Variants in LARP4B observed in about 807,000 individuals in gnomAD.
The protein encoded by LARP4B is La ribonucleoprotein 4B.
In LARP4B, 12 loss-of-function variants were observed where a neutral mutation model predicts 89.8. The ratio of observed to expected loss-of-function variants is 0.13; its 90% CI spans 0.09 to 0.22. The LOEUF is 0.22. Ranked by LOEUF, LARP4B falls within the 10% of genes least tolerant of loss-of-function variation. The probability of loss-of-function intolerance (pLI) is 1.00; values close to 1 mark genes in which losing one functional copy is unlikely to be tolerated. For synonymous variants in LARP4B, 367 were observed against 363.3 expected (o/e 1.01, Z -0.12); for missense variants, 757 against 947.7 (o/e 0.80, Z 2.64).
chr10:908,680 T>C (rs572014860), intron 1 of LARP4B, among the ~76,000 whole-genome samples: 1 of 152,336 alleles, frequency 6.6e-6, no homozygotes, highest in Admixed American at 6.5e-5. Context: ...AGAATTCTTC[T>C]GGGTTGATTG....
At position 872,426 on chromosome 10, in the gene LARP4B, C is replaced by T. The variant is rs549166411; in HGVS notation, c.142-8156G>A. Among the ~76,000 whole-genome samples, 20 of 152,310 alleles carry T rather than the reference C, an allele frequency of 1.3e-4. 2 individuals carry two copies. In the South Asian group the frequency reaches 3.5e-3, roughly 27 times the overall value. On this transcript the variant is annotated intron_variant, in intron 3 of 17. Coordinates refer to ENST00000316157, the MANE Select transcript of LARP4B (RefSeq NM_015155.3). ...TGCAGCTACTGTGTCTACCCAGGTG[C>T]CCAGCTCCTCTGCCACGCTTGGGCA...
At chr10:927,671 C>T (rs1837182437) in intron 1 of LARP4B, among the ~76,000 whole-genome samples, 1 of 152,134 alleles carries the variant, frequency 6.6e-6, no homozygotes, top group African/African-American at 2.4e-5. Flanking sequence ...CAATAAAGTT[C>T]TACAAAAGAG....
intron 5 of LARP4B, among the ~76,000 whole-genome samples, chr10:852,518 CG>C (rs1433851566): frequency 6.6e-6 from 1 of 152,188 alleles, no homozygotes; most frequent in African/African-American, 2.4e-5. Flanking sequence ...CCACCACTAA[CG>C]TTATACTTCA....
In LARP4B at chr10:833,322, G is replaced by A. The variant is rs147983538; in HGVS notation, c.751-2345C>T. Reference sequence around the variant, plus strand: ...TGAAGAAAGTTTACGCATTTGTGTTGAGCTGCATACAAAGCCGTCCTGGGC... The same window carrying A: ...TGAAGAAAGTTTACGCATTTGTGTTAAGCTGCATACAAAGCCGTCCTGGGC... On this transcript the variant is annotated intron_variant, in intron 8 of 17. Coordinates refer to ENST00000316157, the MANE Select transcript of LARP4B (RefSeq NM_015155.3). Among the ~76,000 whole-genome samples the A allele has an allele frequency of 2.9e-3, 386 of 132,756 alleles. 1 individual carries two copies. Among genetic ancestry groups the A allele is most frequent in the African/African-American group, 0.01 (368 of 35,966 alleles). The allele number at this position is 132,756 out of a possible 152,430, so 87.1% of individuals were successfully genotyped here. A position where few individuals can be genotyped will look rare whatever the true frequency, so the allele number is the denominator to read the frequency against.
chr10:945,492 C>T, the LARP4B span, among the ~76,000 whole-genome samples: 8 of 151,990 alleles, frequency 5.3e-5, no homozygotes, highest in South Asian at 6.2e-4. Flanking sequence ...CGAGACCATC[C>T]TGGCTAATAT....
chr10:979,896 A>C, the LARP4B span, among the ~76,000 whole-genome samples: 1 of 152,168 alleles, frequency 6.6e-6, no homozygotes, highest in Non-Finnish European at 1.5e-5. Context: ...GTGTGAACCC[A>C]GGAGGCAGAG....
the LARP4B span, among the ~76,000 whole-genome samples, chr10:956,014 C>T: frequency 4.6e-5 from 7 of 152,096 alleles, no homozygotes; most frequent in East Asian, 1.4e-3. The surrounding 1 kb of genome is among the most constrained non-coding windows in gnomAD (Gnocchi z 4.3). Context: ...TGCCCCAGTG[C>T]CTGCCAGGTG....
the LARP4B span, among the ~76,000 whole-genome samples, chr10:947,778 C>T: frequency 1.3e-5 from 2 of 152,050 alleles, no homozygotes; most frequent in African/African-American, 4.8e-5. Context: ...TGCGCCACCA[C>T]GCCCGGCTCA....
chr10:950,604 TATA>T, the LARP4B span, among the ~76,000 whole-genome samples: 1 of 152,224 alleles, frequency 6.6e-6, no homozygotes, highest in Admixed American at 6.5e-5. Flanking sequence ...ATATTTTTGC[TATA>T]ATGAGTCTTC....
chr10:932,074 T>A (rs907348566), upstream of LARP4B, among the ~76,000 whole-genome samples: 2 of 149,046 alleles, frequency 1.3e-5, no homozygotes, highest in African/African-American at 4.9e-5. Context: ...TGGGCCCTGG[T>A]CCTCCGCCAC....
chr10:836,903 T>C (rs11253458), intron 7 of LARP4B, among the ~76,000 whole-genome samples: 23,340 of 152,262 alleles, frequency 0.15, 1,945 homozygotes, highest in Non-Finnish European at 0.19. Flanking sequence ...AGGATGCTCA[T>C]GTGACTGCAG....
At position 849,884 on chromosome 10, in the gene LARP4B, C is replaced by T. The variant is rs377109709; in HGVS notation, c.431-4829G>A. Among the ~76,000 whole-genome samples the T allele has an allele frequency of 2.6e-5, 4 of 152,324 alleles. No individual in the cohort carries two copies. The East Asian group carries it at 7.7e-4, about 29-fold the overall frequency. On this transcript the variant is annotated intron_variant, in intron 5 of 17. Coordinates refer to ENST00000316157, the MANE Select transcript of LARP4B (RefSeq NM_015155.3). Reference sequence around the variant, plus strand: ...GTTGTTACAAAATACTTGACTAGTACTCTTCAGAACTATTATATCAAAACT... The same window carrying T: ...GTTGTTACAAAATACTTGACTAGTATTCTTCAGAACTATTATATCAAAACT...
intron 1 of LARP4B, among the ~76,000 whole-genome samples, chr10:900,440 T>TTTG (rs1836308534): frequency 1.8e-5 from 2 of 109,760 alleles, no homozygotes; most frequent in South Asian, 3.7e-4. Flanking sequence ...TTTTTTTTTT[T>TTTG]TTTTTTTTTT....
rs942266807 is a variant in LARP4B, at chr10:863,668, T to A, written c.430+75A>T. 6.3e-6 allele frequency: 9 copies of A among 1,419,922 alleles called. No individual in the cohort carries two copies. The African/African-American group carries it at 1.1e-4, about 18-fold the overall frequency. The allele number at this position is 1,419,922 out of a possible 1,614,324, so 88.0% of individuals were successfully genotyped here. ...AGAAAGACCCATTGTGTAGAGAATG[T>A]TAATACTCTAAATAAAAAAAATAAA... On this transcript the variant is annotated intron_variant, in intron 5 of 17. Transcript: ENST00000316157.
the LARP4B span, chr10:971,446 C>T: frequency 4.6e-5 from 7 of 152,140 alleles, no homozygotes; most frequent in African/African-American, 1.7e-4. Context: ...GTGGCCCAAA[C>T]TATTTTATAA....
the LARP4B span, among the ~76,000 whole-genome samples, chr10:969,838 AAGAGAGG>A: frequency 6.6e-6 from 1 of 152,220 alleles, no homozygotes; most frequent in African/African-American, 2.4e-5. Context: ...AGATGTCCAA[AAGAGAGG>A]ACCTCACATG....
chr10:937,581 G>T, the LARP4B span, among the ~76,000 whole-genome samples: 1 of 152,070 alleles, frequency 6.6e-6, no homozygotes, highest in Non-Finnish European at 1.5e-5. Context: ...AATAATGGCG[G>T]CCTGACCCCC....
the LARP4B span, among the ~76,000 whole-genome samples, chr10:974,974 T>C: frequency 6.6e-6 from 1 of 152,312 alleles, no homozygotes; most frequent in African/African-American, 2.4e-5. Flanking sequence ...CTCAGGAGGC[T>C]CAAGACCTGG....
At chr10:829,912 G>A (rs1832811579) in intron 9 of LARP4B, among the ~76,000 whole-genome samples, 178 bp from the exon 10 acceptor site, 1 of 152,130 alleles carries the variant, frequency 6.6e-6, no homozygotes, top group Admixed American at 6.5e-5. Context: ...CCTCATAAGA[G>A]CTATGGAACG....
Sources: allele counts gnomAD v4.1 joint callset (sites outside exome capture counted in the v4.1 genomes callset), GRCh38; gene constraint gnomAD v4.1.1; non-coding constraint Gnocchi (gnomAD v3.1); transcripts MANE v1.5; gene names NCBI Gene and HGNC (gene_info 2026-07-23, HGNC 2026-07-21).